PHF2: variants seen among roughly 807,000 people sequenced by gnomAD.
PHF2 encodes the protein PHD finger protein 2, also known as lysine-specific demethylase PHF2.
Under a neutral mutation model 120.5 loss-of-function variants are expected in PHF2, and 27 were observed. The ratio of observed to expected loss-of-function variants is 0.22; its 90% CI spans 0.17 to 0.31. The LOEUF is 0.31. Ranked by LOEUF, PHF2 falls within the 10% of genes least tolerant of loss-of-function variation. The pLI, the probability that PHF2 is intolerant of heterozygous loss-of-function variation, is 1.00. For missense variants in PHF2, 1,024 were observed against 1,434.8 expected (o/e 0.71, Z 4.63); for synonymous variants, 568 against 592.5 (o/e 0.96, Z 0.60).
In PHF2 at chr9:93,660,410, G is replaced by T. The variant is rs957848080; in HGVS notation, c.1548G>T (p.Arg516Ser). Residue 516 changes from arginine (R) to serine (S), a missense_variant, in exon 12 of 22, where the codon AGG becomes AGT. Arg to Ser is a moderately radical substitution (Grantham distance 110). This residue lies in a region of PHF2 where 677 missense variants were observed against 857.4 expected (regional missense o/e 0.79). Coordinates refer to ENST00000359246, the MANE Select transcript of PHF2 (RefSeq NM_005392.4). ...CCCCGAAGCCCCCTAAGCCCCCAAGGCCCCCCAAAACGCTGAAGCTCAAAG... is the reference window on the plus strand; with the variant it reads ...CCCCGAAGCCCCCTAAGCCCCCAAGTCCCCCCAAAACGCTGAAGCTCAAAG... ...PKPPKPPKPP[R>S]PPKTLKLKDG... is the part of the protein sequence containing the mutation. 65 of 1,388,980 alleles carry T rather than the reference G, an allele frequency of 4.7e-5. No individual in the cohort carries two copies. Among genetic ancestry groups the T allele is most frequent in the Non-Finnish European group, 6.0e-5 (63 of 1,045,224 alleles). 86.0% of individuals were successfully genotyped at this position (1,388,980 alleles called of 1,614,324 possible).
At chr9:93,619,733 T>C (rs1425978606) in intron 1 of PHF2, among the ~76,000 whole-genome samples, 1 of 152,238 alleles carries the variant, frequency 6.6e-6, no homozygotes. Flanking sequence ...CCCTGAAGTT[T>C]GCACTTCGGC....
chr9:93,590,412 C>A (rs180731756), intron 1 of PHF2, among the ~76,000 whole-genome samples: 1 of 152,176 alleles, frequency 6.6e-6, no homozygotes, highest in African/African-American at 2.4e-5. Flanking sequence ...CCCTTCCACT[C>A]TCTCCCACTC....
chr9:93,634,151 A>G (rs1826053093), intron 2 of PHF2, among the ~76,000 whole-genome samples: 1 of 152,100 alleles, frequency 6.6e-6, no homozygotes, highest in African/African-American at 2.4e-5. Flanking sequence ...CATGGAGTAG[A>G]TATAACTGCC....
At chr9:93,611,383 C>T (rs1825631906) in intron 1 of PHF2, among the ~76,000 whole-genome samples, 1 of 150,908 alleles carries the variant, frequency 6.6e-6, no homozygotes, top group Admixed American at 6.6e-5. Flanking sequence ...CCATTGCACT[C>T]CAGCCTGGGC....
intron 13 of PHF2, among the ~76,000 whole-genome samples, 173 bp downstream of exon 13, chr9:93,663,199 C>G (rs1441682188): frequency 6.6e-6 from 1 of 152,064 alleles, no homozygotes; most frequent in East Asian, 1.9e-4. Flanking sequence ...TGTGTGACCA[C>G]CCATGGACTA....
chr9:93,608,006 AGAGAAGGAAAGGAG>A (rs1276211997), intron 1 of PHF2, among the ~76,000 whole-genome samples: 1 of 114,194 alleles, frequency 8.8e-6, no homozygotes, highest in African/African-American at 3.3e-5. Context: ...AGAGAGAGAG[AGAGAAGGAAAGGAG>A]GAAGGAAAGA....
rs1446607964 is a variant in PHF2, at chr9:93,666,975, AAACTAGTTT to A, written c.2188-103_2188-95del. The A allele has an allele frequency of 1.9e-5, 12 of 641,678 alleles. No individual in the cohort carries two copies. In the Admixed American group the frequency reaches 3.0e-4, roughly 16 times the overall value. The allele number at this position is 641,678 out of a possible 1,614,324, so 39.7% of individuals were successfully genotyped here. A position where few individuals can be genotyped will look rare whatever the true frequency, so the allele number is the denominator to read the frequency against. On this transcript the variant is annotated intron_variant, in intron 16 of 21. Coordinates refer to ENST00000359246, the MANE Select transcript of PHF2 (RefSeq NM_005392.4). ...AAATAAAATAAATAAAAATGTTAAA[AAACTAGTTT>A]AGTCCCTGAAGGGAAAAAGTATCCT... is the stretch of plus-strand genomic sequence containing the variant.
intron 1 of PHF2, among the ~76,000 whole-genome samples, chr9:93,609,843 T>C (rs761191327): frequency 2.6e-5 from 4 of 152,106 alleles, no homozygotes; most frequent in Non-Finnish European, 5.9e-5. Context: ...ATTACAGGCA[T>C]GTGCCACCAC....
intron 1 of PHF2, among the ~76,000 whole-genome samples, chr9:93,620,142 G>A (rs1256587701): frequency 4.6e-5 from 7 of 152,184 alleles, no homozygotes; most frequent in Admixed American, 4.6e-4. Flanking sequence ...GACCTGCAGG[G>A]CCCAGCCTGG....
intron 5 of PHF2, among the ~76,000 whole-genome samples, chr9:93,649,688 T>G (rs200334090): frequency 1.6e-5 from 1 of 63,336 alleles, no homozygotes; most frequent in East Asian, 5.2e-4. Flanking sequence ...GACACACTCA[T>G]GACACTCACA....
rs765882423 is a variant in PHF2 at position 93,677,577 on chromosome 9, G to A, written c.3203-11G>A. The A allele has an allele frequency of 6.2e-6, 10 of 1,610,224 alleles. No individual in the cohort carries two copies. Among genetic ancestry groups the A allele is most frequent in the Admixed American group, 5.0e-5 (3 of 59,610 alleles). On this transcript the variant is annotated splice_polypyrimidine_tract_variant and intron_variant, in intron 21 of 21. Coordinates refer to ENST00000359246, the MANE Select transcript of PHF2 (RefSeq NM_005392.4). The surrounding 1 kb of genome is among the most constrained non-coding windows in gnomAD (Gnocchi z 4.4). ...CCTTCCCTTTTTGTGTCCCCTCCCC[G>A]ACTCCCCTAGGAAAACGTACGAAAA...
chr9:93,577,867 C>A (rs1259701619), intron 1 of PHF2, among the ~76,000 whole-genome samples: 3 of 152,144 alleles, frequency 2.0e-5, no homozygotes, highest in African/African-American at 7.2e-5. Flanking sequence ...CAAACTGCTC[C>A]AACAGGTTCT....
chr9:93,667,055 C>CCTT, intron 16 of PHF2, 25 bp from the exon 17 acceptor site: 1 of 1,595,500 alleles, frequency 6.3e-7, no homozygotes, highest in Non-Finnish European at 8.5e-7. Flanking sequence ...CTCCCCTGAC[C>CCTT]GAAGCCCTGT....
At chr9:93,615,226 A>C (rs1825710167) in intron 1 of PHF2, among the ~76,000 whole-genome samples, 1 of 147,640 alleles carries the variant, frequency 6.8e-6, no homozygotes, top group Admixed American at 6.7e-5. Flanking sequence ...GGTGATAGTA[A>C]TGGTGATGGT....
chr9:93,666,077 G>A lies in PHF2; in HGVS notation c.2187+17G>A, dbSNP rs558670747. 12 of 1,608,662 alleles carry A rather than the reference G, an allele frequency of 7.5e-6. No homozygotes were observed. In the South Asian group the frequency reaches 1.3e-4, roughly 18 times the overall value. ...GCGTACAAGGTGAGCTGCCTTACAG[G>A]CCCCCCTCAGTCTCGGGGGGCATCT... is the stretch of plus-strand genomic sequence containing the variant. On this transcript the variant is annotated intron_variant, in intron 16 of 21. Coordinates refer to ENST00000359246, the MANE Select transcript of PHF2 (RefSeq NM_005392.4).
chr9:93,672,535 T>C (rs1826824626), intron 17 of PHF2: 1 of 984,784 alleles, frequency 1.0e-6, no homozygotes, highest in African/African-American at 1.8e-5. Context: ...CAGATGCAGG[T>C]GTGGGGGTAG....
intron 1 of PHF2, among the ~76,000 whole-genome samples, chr9:93,589,950 C>G (rs1196377971): frequency 6.6e-6 from 1 of 152,224 alleles, no homozygotes; most frequent in Non-Finnish European, 1.5e-5. Context: ...TCCTGCACTT[C>G]CTGCTTCCCC....
At chr9:93,675,340 G>A (rs77948146) in intron 19 of PHF2, among the ~76,000 whole-genome samples, 3,413 of 152,328 alleles carry the variant, frequency 0.022, 78 homozygotes, top group East Asian at 0.1. Context: ...CCTTTGTACC[G>A]GAGGCACCCA....
At chr9:93,588,951 A>G (rs1335766497) in intron 1 of PHF2, among the ~76,000 whole-genome samples, 2 of 152,196 alleles carry the variant, frequency 1.3e-5, no homozygotes, top group African/African-American at 4.8e-5. Flanking sequence ...CCTGAAGGCA[A>G]TGCCAGGAGT....
Sources: gnomAD v4.1 joint callset for allele counts (sites outside exome capture counted in the v4.1 genomes callset) on GRCh38, gnomAD v4.1.1 for gene constraint, gnomAD v4.1.1 regional missense constraint, Gnocchi (gnomAD v3.1) non-coding constraint, MANE v1.5 for transcripts, NCBI Gene and HGNC (gene_info 2026-07-23, HGNC 2026-07-21) for gene names.